Variants in TBC1D16 observed in about 807,000 individuals in gnomAD.
The protein encoded by TBC1D16 is CTD-2529O21.1.
In TBC1D16, 58 loss-of-function variants were observed where a neutral mutation model predicts 74.7. The observed-to-expected ratio is 0.78, with a 90% CI of 0.63 to 0.97. The LOEUF (loss-of-function observed/expected upper bound fraction) is 0.97, where lower values mean the gene tolerates loss of function less well. Ranked by LOEUF, TBC1D16 falls within the 50% of genes least tolerant of loss-of-function variation. The probability of loss-of-function intolerance (pLI) is 0.00; values close to 1 mark genes in which losing one functional copy is unlikely to be tolerated. For missense variants in TBC1D16, 1,014 were observed against 1,079.5 expected (o/e 0.94, Z 0.85); for synonymous variants, 493 against 474.7 (o/e 1.04, Z -0.50).
chr17:79,959,727 C>T (rs1179722623), intron 3 of TBC1D16, among the ~76,000 whole-genome samples: 1 of 152,144 alleles, frequency 6.6e-6, no homozygotes, highest in African/African-American at 2.4e-5. Flanking sequence ...AAACGGATCA[C>T]GGACCTAGAT....
chr17:80,030,801 C>T (rs964403780), intron 1 of TBC1D16, among the ~76,000 whole-genome samples: 2 of 152,134 alleles, frequency 1.3e-5, no homozygotes, highest in Middle Eastern at 3.4e-3. Flanking sequence ...GGCCACGGGA[C>T]GCAGCCCACC....
At chr17:79,947,517 TG>T in intron 9 of TBC1D16, 127 bp downstream of exon 9, 1 of 1,027,908 alleles carries the variant, frequency 9.7e-7, no homozygotes, top group Non-Finnish European at 1.5e-6. Flanking sequence ...AGTCCTATCC[TG>T]GCGTTCCCAC....
chr17:80,026,099 C>T (rs944809165), intron 1 of TBC1D16: 2 of 150,174 alleles, frequency 1.3e-5, no homozygotes, highest in Non-Finnish European at 2.9e-5. Context: ...CTGTGATACA[C>T]CTAAATAATG....
At chr17:79,947,997 A>C (rs1053744344) in intron 8 of TBC1D16, among the ~76,000 whole-genome samples, 166 bp from the exon 9 acceptor site, 10 of 152,190 alleles carry the variant, frequency 6.6e-5, no homozygotes, top group African/African-American at 2.4e-4. Context: ...TTCCAGACAC[A>C]CAGACCCTTG....
At position 79,954,447 on chromosome 17, in the gene TBC1D16, G is replaced by A. The variant is rs1194815823; in HGVS notation, c.780-1629C>T. Among the ~76,000 whole-genome samples the A allele has an allele frequency of 6.6e-6, 1 of 152,150 alleles. No homozygotes were observed. The highest frequency in any genetic ancestry group is 1.5e-5 in the Non-Finnish European group (1 of 68,030). On this transcript the variant is annotated intron_variant, in intron 3 of 11. Coordinates refer to ENST00000310924, the MANE Select transcript of TBC1D16 (RefSeq NM_019020.4). The surrounding 1 kb of genome is among the most constrained non-coding windows in gnomAD (Gnocchi z 5.5). ...CTGCCTAAGGAAGTCAGCCGAACAG[G>A]TCCTCCCACTGCTGGGGCCCCTGGG...
chr17:80,017,443 A>G (rs1434534844), intron 1 of TBC1D16, among the ~76,000 whole-genome samples: 5 of 152,192 alleles, frequency 3.3e-5, no homozygotes, highest in Non-Finnish European at 5.9e-5. Flanking sequence ...GTACTTTGGG[A>G]GGCCTAGGTG....
In TBC1D16 at chr17:79,951,465, C is replaced by T; in HGVS notation, c.1074G>A (p.Met358Ile). ...VFQQWKYCTE[M>I]QLKDQQVAPD... ...GCTGGGCTACCTGGTCTTTGAGCTG[C>T]ATCTCGGTGCAGTATTTCCACTGCT... is the stretch of plus-strand genomic sequence containing the variant. Residue 358 changes from methionine to isoleucine, a missense_variant, in exon 5 of 12, where the codon ATG becomes ATA. Coordinates refer to ENST00000310924, the MANE Select transcript of TBC1D16 (RefSeq NM_019020.4). The T allele has an allele frequency of 6.2e-7, 1 of 1,613,726 alleles. No individual in the cohort carries two copies. Among genetic ancestry groups the T allele is most frequent in the African/African-American group, 1.3e-5 (1 of 74,998 alleles).
chr17:79,942,332 C>A, intron 10 of TBC1D16, 126 bp from the exon 11 acceptor site: 2 of 1,085,726 alleles, frequency 1.8e-6, no homozygotes, highest in Non-Finnish European at 2.6e-6. Context: ...CACAGCCCAG[C>A]TCGGGGGCCG....
At position 80,010,132 on chromosome 17, in the gene TBC1D16, G is replaced by A; in HGVS notation, c.779+28C>T. The A allele has an allele frequency of 6.4e-7, 1 of 1,573,470 alleles. No individual in the cohort carries two copies. The highest frequency in any genetic ancestry group is 8.6e-7 in the Non-Finnish European group (1 of 1,156,222). On this transcript the variant is annotated intron_variant, in intron 3 of 11. Coordinates refer to ENST00000310924, the MANE Select transcript of TBC1D16 (RefSeq NM_019020.4). The surrounding 1 kb of genome is among the most constrained non-coding windows in gnomAD (Gnocchi z 8.8). ...AGGTCAGGCCTTGGGGGCCTCCCGA[G>A]AGCCCACGCCCAGAACCAGGAACTC...
intron 3 of TBC1D16, among the ~76,000 whole-genome samples, chr17:79,978,048 G>A (rs1174290611): frequency 5.3e-5 from 8 of 152,216 alleles, no homozygotes; most frequent in Admixed American, 4.6e-4. Context: ...AGTGATGGGC[G>A]CACAGCCGGC....
intron 3 of TBC1D16, among the ~76,000 whole-genome samples, chr17:79,982,731 T>C (rs1368558791): frequency 6.7e-6 from 1 of 149,480 alleles, no homozygotes; most frequent in South Asian, 2.1e-4. Context: ...TAACGGCCGG[T>C]GCCTGTAATC....
At chr17:79,963,845 C>T (rs572219174) in intron 3 of TBC1D16, among the ~76,000 whole-genome samples, 1 of 152,252 alleles carries the variant, frequency 6.6e-6, no homozygotes, top group South Asian at 2.1e-4. Context: ...TATTGAGTAC[C>T]TTCATGTGCT....
chr17:79,973,576 G>A (rs2034205602), intron 3 of TBC1D16, among the ~76,000 whole-genome samples: 1 of 152,004 alleles, frequency 6.6e-6, no homozygotes, highest in South Asian at 2.1e-4. Flanking sequence ...CAGGTGTGGC[G>A]GCGGGCGCCT....
At position 79,983,739 on chromosome 17, in the gene TBC1D16, T is replaced by C. The variant is rs558690554; in HGVS notation, c.779+26421A>G. 6.6e-6 allele frequency among the ~76,000 whole-genome samples: 1 copy of C among 152,182 alleles called. No homozygotes were observed. The highest frequency in any genetic ancestry group is 2.1e-4 in the South Asian group (1 of 4,826). ...GACTGGGGAGGAAGGAGTGGAGCAC[T>C]GGCCTCCTAGGAAGCTCTAGTTCAG... On this transcript the variant is annotated intron_variant, in intron 3 of 11. Coordinates refer to ENST00000310924, the MANE Select transcript of TBC1D16 (RefSeq NM_019020.4). The surrounding 1 kb of genome is among the most constrained non-coding windows in gnomAD (Gnocchi z 5.6).
rs868571215 is a variant in TBC1D16, at chr17:80,028,644, G to A, written c.-63+7151C>T. ...ACCAGTTGATTTTTTTTTTTTTTGA[G>A]ACAGAGTCTCGCTCTGTCGCCCAGG... On this transcript the variant is annotated intron_variant, in intron 1 of 11. Coordinates refer to ENST00000310924, the MANE Select transcript of TBC1D16 (RefSeq NM_019020.4). Among the ~76,000 whole-genome samples, 45 of 141,888 alleles carry A rather than the reference G, an allele frequency of 3.2e-4. No individual in the cohort carries two copies. In the South Asian group the frequency reaches 9.3e-3, roughly 29 times the overall value. 93.1% of individuals were successfully genotyped at this position (141,888 alleles called of 152,430 possible). A position where few individuals can be genotyped will look rare whatever the true frequency, so the allele number is the denominator to read the frequency against.
chr17:79,976,242 C>T (rs1433218398), intron 3 of TBC1D16, among the ~76,000 whole-genome samples: 3 of 152,244 alleles, frequency 2.0e-5, no homozygotes, highest in Non-Finnish European at 2.9e-5. Flanking sequence ...TCAGAGAGGT[C>T]TGGTCATTGC....
In TBC1D16 at chr17:80,010,903, A is replaced by G. The variant is rs74000331; in HGVS notation, c.182-146T>C. The G allele has an allele frequency of 5.2e-3, 2,527 of 487,018 alleles. 59 individuals are homozygous for G. The highest frequency in any genetic ancestry group is 0.046 in the African/African-American group (2,334 of 50,572). 30.2% of individuals were successfully genotyped at this position (487,018 alleles called of 1,614,324 possible). Reference sequence around the variant, plus strand: ...TCAGATACAGCCTGGCCCTGAGCAAAAACACTAGAGGGAAACTGTGGAGCT... The same window carrying G: ...TCAGATACAGCCTGGCCCTGAGCAAGAACACTAGAGGGAAACTGTGGAGCT... On this transcript the variant is annotated intron_variant, in intron 2 of 11. Transcript: ENST00000310924. The surrounding 1 kb of genome is among the most constrained non-coding windows in gnomAD (Gnocchi z 8.8).
chr17:80,028,511 A>G (rs1198057348), intron 1 of TBC1D16, among the ~76,000 whole-genome samples: 1 of 152,044 alleles, frequency 6.6e-6, no homozygotes, highest in Non-Finnish European at 1.5e-5. Context: ...CCTGGGTGAC[A>G]GAGCGAGACT....
chr17:79,942,293 T>C, intron 10 of TBC1D16, 87 bp from the exon 11 acceptor site: 7 of 1,415,120 alleles, frequency 4.9e-6, no homozygotes, highest in Admixed American at 2.1e-5. Context: ...AGGGTGCGAG[T>C]GAGGGCTCCA....
Sources: allele counts gnomAD v4.1 joint callset (sites outside exome capture counted in the v4.1 genomes callset), GRCh38; gene constraint gnomAD v4.1.1; non-coding constraint Gnocchi (gnomAD v3.1); transcripts MANE v1.5; gene names NCBI Gene and HGNC (gene_info 2026-07-23, HGNC 2026-07-21).